BNC2: variants seen among roughly 807,000 people sequenced by gnomAD.
The protein encoded by BNC2 is zinc finger protein basonuclin-2.
A neutral mutation model predicts 76.3 loss-of-function variants in BNC2; 20 were observed. The observed-to-expected ratio is 0.26, with a 90% confidence interval of 0.18 to 0.38. The LOEUF is 0.38. BNC2 is among the 10% of genes least tolerant of loss of function. The pLI, the probability that BNC2 is intolerant of heterozygous loss-of-function variation, is 1.00. For synonymous variants in BNC2, 582 were observed against 514.8 expected, an observed-to-expected ratio of 1.13 and a Z score of -1.77; for missense variants, 1,382 against 1,399.8, an observed-to-expected ratio of 0.99 and a Z score of 0.20.
At chr9:16,512,487 C>G (rs1053758757) in intron 5 of BNC2, among the ~76,000 whole-genome samples, 1 of 119,656 alleles carries the variant, frequency 8.4e-6, no homozygotes, top group Non-Finnish European at 1.7e-5. Flanking sequence ...CACACGCGCA[C>G]ACACACACAC....
intron 6 of BNC2, among the ~76,000 whole-genome samples, chr9:16,428,451 G>T (rs142078414): frequency 6.6e-6 from 1 of 152,068 alleles, no homozygotes; most frequent in Admixed American, 6.5e-5. Context: ...ATCACTTTCC[G>T]AGATGTAGAT....
intron 3 of BNC2, among the ~76,000 whole-genome samples, chr9:16,644,538 G>A (rs886788553): frequency 6.6e-6 from 1 of 152,018 alleles, no homozygotes; most frequent in Non-Finnish European, 1.5e-5. Flanking sequence ...TAGGGATTCT[G>A]AATAATCCCA....
chr9:16,460,423 G>C (rs1314730613), intron 5 of BNC2, among the ~76,000 whole-genome samples: 1 of 152,074 alleles, frequency 6.6e-6, no homozygotes, highest in African/African-American at 2.4e-5. Flanking sequence ...AGCAGTTCGA[G>C]ACCAGCCTGG....
chr9:16,780,810 T>C (rs907342726), intron 1 of BNC2, among the ~76,000 whole-genome samples: 11 of 152,124 alleles, frequency 7.2e-5, no homozygotes, highest in African/African-American at 2.4e-4. Flanking sequence ...ATAGAATACC[T>C]TGCTATGTGG....
intron 3 of BNC2, among the ~76,000 whole-genome samples, chr9:16,669,462 G>A (rs999893824): frequency 3.4e-4 from 52 of 152,098 alleles, no homozygotes; most frequent in African/African-American, 1.2e-3. Flanking sequence ...AAACAGTACT[G>A]GCTATTGTGA....
chr9:16,422,834 G>T (rs1214833696), intron 6 of BNC2, among the ~76,000 whole-genome samples: 1 of 152,166 alleles, frequency 6.6e-6, no homozygotes, highest in Non-Finnish European at 1.5e-5. Context: ...ACCTATTGTT[G>T]GACTCTTGAA....
Position 16,437,011 on chromosome 9 carries a change from G to A in BNC2, c.1183C>T (p.Pro395Ser). 1 of 1,613,978 alleles carries A rather than the reference G, an allele frequency of 6.2e-7. No homozygotes were observed. The highest frequency in any genetic ancestry group is 2.2e-5 in the East Asian group (1 of 44,878). ...GAGACACAGGCTGGCTCGGTTTTGG[G>A]CTCCACATTAGTAATGCTGGTCAGG... ...NALTSITNVEPKTEPACVSPI... is the reference protein window; with the variant it reads ...NALTSITNVESKTEPACVSPI... Residue 395 changes from proline (P) to serine (S), a missense_variant, in exon 6 of 7, where the codon CCC becomes TCC. Physicochemically the swap from Pro to Ser is moderately conservative, Grantham distance 74 (BLOSUM62 -1). Coordinates refer to ENST00000380672, the MANE Select transcript of BNC2 (RefSeq NM_017637.6).
chr9:16,811,673 GA>G (rs1818059228), intron 1 of BNC2, among the ~76,000 whole-genome samples: 1 of 151,158 alleles, frequency 6.6e-6, no homozygotes, highest in Non-Finnish European at 1.5e-5. Flanking sequence ...CTGCTCTTAA[GA>G]AAGGAGTGCA....
At chr9:16,707,618 T>G (rs375797480) in intron 3 of BNC2, among the ~76,000 whole-genome samples, 2 of 152,196 alleles carry the variant, frequency 1.3e-5, no homozygotes, top group South Asian at 4.1e-4. Context: ...ATTTTAGTTC[T>G]AAACAAGTTG....
At chr9:16,446,836 GCT>G (rs1407736624) in intron 5 of BNC2, among the ~76,000 whole-genome samples, 2 of 151,978 alleles carry the variant, frequency 1.3e-5, no homozygotes, top group Non-Finnish European at 2.9e-5. Flanking sequence ...CTCCAGCTAA[GCT>G]CTATTACAGG....
chr9:16,853,603 GCGCCTGCAATC>G (rs1410676187), intron 1 of BNC2, among the ~76,000 whole-genome samples: 2 of 151,560 alleles, frequency 1.3e-5, no homozygotes, highest in African/African-American at 4.8e-5. Flanking sequence ...GCTGTGGCTC[GCGCCTGCAATC>G]CCACCACTTT....
intron 3 of BNC2, among the ~76,000 whole-genome samples, chr9:16,618,609 A>G (rs1375648957): frequency 6.6e-6 from 1 of 152,190 alleles, no homozygotes; most frequent in African/African-American, 2.4e-5. Flanking sequence ...AGAATCTACA[A>G]GTTCTCCAAA....
At chr9:16,678,827 T>C (rs1039410027) in intron 3 of BNC2, among the ~76,000 whole-genome samples, 2 of 152,168 alleles carry the variant, frequency 1.3e-5, no homozygotes, top group Admixed American at 6.5e-5. Context: ...CCCAACAGTT[T>C]TTCCTTTGTA....
intron 1 of BNC2, among the ~76,000 whole-genome samples, chr9:16,851,806 A>C (rs1160328299): frequency 1.3e-5 from 2 of 152,146 alleles, no homozygotes; most frequent in Non-Finnish European, 2.9e-5. Flanking sequence ...AAAACAGACC[A>C]ATCAAGTAAT....
chr9:16,682,941 A>G (rs1021918791), intron 3 of BNC2, among the ~76,000 whole-genome samples: 1 of 152,228 alleles, frequency 6.6e-6, no homozygotes, highest in Non-Finnish European at 1.5e-5. Flanking sequence ...TTCTTAGAAG[A>G]TGATTGCATA....
intron 5 of BNC2, among the ~76,000 whole-genome samples, chr9:16,475,506 C>T (rs954563071): frequency 9.9e-5 from 15 of 152,162 alleles, no homozygotes; most frequent in African/African-American, 3.4e-4. Flanking sequence ...CACTCAGATT[C>T]GGTATTTGAT....
chr9:16,632,956 G>T (rs1821209696), intron 3 of BNC2, among the ~76,000 whole-genome samples: 1 of 152,172 alleles, frequency 6.6e-6, no homozygotes, highest in African/African-American at 2.4e-5. Context: ...CCCGAAGCAT[G>T]AGAACTGATC....
chr9:16,463,340 A>T (rs1264999236), intron 5 of BNC2, among the ~76,000 whole-genome samples: 1 of 108,080 alleles, frequency 9.3e-6, no homozygotes, highest in Admixed American at 1.3e-4. Flanking sequence ...TCTGTCGCCC[A>T]GGCTGGAGTG....
intron 1 of BNC2, among the ~76,000 whole-genome samples, chr9:16,851,033 G>C (rs1819115494): frequency 1.3e-5 from 2 of 151,486 alleles, no homozygotes; most frequent in Non-Finnish European, 2.9e-5. Flanking sequence ...CATCTTCTAG[G>C]GTGACTATTT....
Sources: allele counts gnomAD v4.1 joint callset (sites outside exome capture counted in the v4.1 genomes callset), GRCh38; gene constraint gnomAD v4.1.1; transcripts MANE v1.5; gene names NCBI Gene and HGNC (gene_info 2026-07-23, HGNC 2026-07-21).